MICU1: variants seen among roughly 807,000 people sequenced by gnomAD.
MICU1 encodes mitochondrial calcium uptake 1, also known as calcium uptake protein 1, mitochondrial.
A neutral mutation model predicts 56.8 loss-of-function variants in MICU1; 45 were observed. The ratio of observed to expected loss-of-function variants is 0.79; its 90% CI spans 0.62 to 1.02. MICU1 has a LOEUF of 1.02. Among genes scored for constraint, MICU1 ranks in the 50% least tolerant of loss-of-function variants. The probability of loss-of-function intolerance (pLI) is 0.00; values close to 1 mark genes in which losing one functional copy is unlikely to be tolerated. For synonymous variants in MICU1, 186 were observed against 195.1 expected (o/e 0.95, Z 0.39); for missense variants, 504 against 587.1 (o/e 0.86, Z 1.46).
intron 1 of MICU1, among the ~76,000 whole-genome samples, chr10:72,589,220 C>T (rs1216570597): frequency 3.3e-5 from 5 of 151,398 alleles, no homozygotes; most frequent in African/African-American, 1.2e-4. Flanking sequence ...ACCCAGGAGG[C>T]GGAGGTTGCA....
At chr10:72,574,119 A>G (rs916893955) in intron 1 of MICU1, among the ~76,000 whole-genome samples, 1 of 152,120 alleles carries the variant, frequency 6.6e-6, no homozygotes, top group Non-Finnish European at 1.5e-5. Flanking sequence ...CTCCTGTACT[A>G]TTAACCAACT....
At chr10:72,508,506 C>G (rs576111815) in intron 5 of MICU1, 1 of 300,582 alleles carries the variant, frequency 3.3e-6, no homozygotes. Flanking sequence ...AAAATAATTT[C>G]AATGTTAGAA....
At chr10:72,572,012 T>TAA (rs567595390) in intron 1 of MICU1, among the ~76,000 whole-genome samples, 3 of 138,802 alleles carry the variant, frequency 2.2e-5, no homozygotes, top group African/African-American at 7.8e-5. Flanking sequence ...GGTACTATGG[T>TAA]AAAAAAAAAA....
intron 3 of MICU1, among the ~76,000 whole-genome samples, chr10:72,556,283 A>T (rs1175820850): frequency 6.6e-6 from 1 of 152,242 alleles, no homozygotes; most frequent in Non-Finnish European, 1.5e-5. Flanking sequence ...CTAGTCTCAT[A>T]AAGTAAATTA....
intron 5 of MICU1, among the ~76,000 whole-genome samples, chr10:72,512,107 G>GTTTTTTTTT (rs869183579): frequency 1.7e-4 from 5 of 29,524 alleles, no homozygotes; most frequent in African/African-American, 4.6e-4. Context: ...GTTGTTTTTT[G>GTTTTTTTTT]TTTTTTTTTT....
chr10:72,450,475 T>C (rs1865261107), intron 8 of MICU1, among the ~76,000 whole-genome samples: 1 of 151,932 alleles, frequency 6.6e-6, no homozygotes, highest in African/African-American at 2.4e-5. Context: ...ACAGTGATTG[T>C]GCGAATGGAG....
intron 10 of MICU1, among the ~76,000 whole-genome samples, chr10:72,402,905 C>T (rs576156658): frequency 1.6e-4 from 24 of 152,032 alleles, no homozygotes; most frequent in African/African-American, 5.5e-4. Context: ...ATTTGCCAGG[C>T]GTGGTGGCAT....
intron 6 of MICU1, among the ~76,000 whole-genome samples, chr10:72,490,165 A>G (rs1866606163): frequency 1.3e-5 from 2 of 152,138 alleles, no homozygotes; most frequent in Non-Finnish European, 2.9e-5. Flanking sequence ...TCTATCAATC[A>G]TTATTTTATA....
rs1176347796 is a variant in MICU1 at position 72,551,292 on chromosome 10, AT to A, written c.379del (p.Ile127SerfsTer8). On this transcript the variant is annotated frameshift_variant, in exon 4 of 12. Transcript: ENST00000361114. LOFTEE classifies it high-confidence loss of function. Reference sequence around the variant, plus strand: ...TTTCAAGGTGGCAAAATATCGGAAGATTTTGTCTGGCGTGGAGTAGGCTCGA... The same window carrying A: ...TTTCAAGGTGGCAAAATATCGGAAGATTTGTCTGGCGTGGAGTAGGCTCGA... The part of the protein sequence containing the change: ...RIRAYSTPDK[I>X]FRYFATLKVI... 1.9e-6 allele frequency: 3 copies of A among 1,613,298 alleles called. No individual in the cohort carries two copies. The African/African-American group carries it at 4.0e-5, about 22-fold the overall frequency.
chr10:72,403,519 A>G (rs72810110), intron 10 of MICU1, among the ~76,000 whole-genome samples: 1,931 of 152,158 alleles, frequency 0.013, 24 homozygotes, highest in Middle Eastern at 0.051. Context: ...ATGCAGCTAA[A>G]ACCAAAATAT....
intron 8 of MICU1, among the ~76,000 whole-genome samples, chr10:72,461,881 C>T (rs759280175): frequency 5.9e-5 from 9 of 152,106 alleles, no homozygotes; most frequent in Admixed American, 1.3e-4. Context: ...ATCAGGGAGG[C>T]GGAGGTTGCA....
At chr10:72,532,307 G>C (rs1432092312) in intron 5 of MICU1, among the ~76,000 whole-genome samples, 1 of 151,116 alleles carries the variant, frequency 6.6e-6, no homozygotes, top group African/African-American at 2.4e-5. Context: ...GACAGAGCGA[G>C]ACTCCATCTC....
At chr10:72,414,122 G>C (rs1408466218) in intron 9 of MICU1, among the ~76,000 whole-genome samples, 1 of 152,124 alleles carries the variant, frequency 6.6e-6, no homozygotes, top group Non-Finnish European at 1.5e-5. Flanking sequence ...TCACTCCTAG[G>C]AATCTTCAAC....
intron 6 of MICU1, among the ~76,000 whole-genome samples, chr10:72,500,270 A>ATATATATATATATATT (rs1866986277): frequency 9.8e-5 from 1 of 10,234 alleles, no homozygotes; most frequent in African/African-American, 2.1e-4. Flanking sequence ...ACATATATAT[A>ATATATATATATATATT]TATATATATA....
intron 8 of MICU1, among the ~76,000 whole-genome samples, chr10:72,464,323 GAACT>G (rs1865725884): frequency 9.6e-6 from 1 of 103,660 alleles, no homozygotes; most frequent in Non-Finnish European, 1.8e-5. Flanking sequence ...AAAAAAAAAA[GAACT>G]GTTATAGTTC....
intron 9 of MICU1, among the ~76,000 whole-genome samples, chr10:72,420,096 G>A (rs1339634296): frequency 6.6e-6 from 1 of 152,092 alleles, no homozygotes; most frequent in East Asian, 1.9e-4. Flanking sequence ...TTTCGCTCTT[G>A]TTACCCAGGC....
At chr10:72,465,899 G>A (rs775757186) in intron 8 of MICU1, among the ~76,000 whole-genome samples, 1 of 152,126 alleles carries the variant, frequency 6.6e-6, no homozygotes, top group Non-Finnish European at 1.5e-5. Flanking sequence ...AACTTTTGCA[G>A]TTTGAGATAT....
rs749620972 is a variant in MICU1 at position 72,475,071 on chromosome 10, T to C, written c.933+29A>G. On this transcript the variant is annotated intron_variant, in intron 8 of 11. Transcript: ENST00000361114. ...TCCTGCCCATCAGTTCCACATGTGA[T>C]GGATCTACTGAGTCTAAGGAAGACC... is the stretch of plus-strand genomic sequence containing the variant. 8.2e-6 allele frequency: 13 copies of C among 1,582,906 alleles called. No individual in the cohort carries two copies. In the Admixed American group the frequency reaches 2.1e-4, roughly 26 times the overall value.
At chr10:72,565,723 G>C (rs1332296573) in intron 2 of MICU1, among the ~76,000 whole-genome samples, 1 of 151,892 alleles carries the variant, frequency 6.6e-6, no homozygotes, top group Non-Finnish European at 1.5e-5. Flanking sequence ...CCAGCTACTT[G>C]AGAATTGCTT....
Sources: gnomAD v4.1 joint callset for allele counts (sites outside exome capture counted in the v4.1 genomes callset) on GRCh38, gnomAD v4.1.1 for gene constraint, MANE v1.5 for transcripts, NCBI Gene and HGNC (gene_info 2026-07-23, HGNC 2026-07-21) for gene names.